SMTNL1: variants seen among roughly 807,000 people sequenced by gnomAD.
SMTNL1 encodes the protein smoothelin-like protein 1.
SMTNL1 carries 41 observed loss-of-function variants against 46.6 expected under a neutral mutation model. The ratio of observed to expected loss-of-function variants is 0.88; its 90% CI spans 0.69 to 1.14. The LOEUF (loss-of-function observed/expected upper bound fraction) is 1.14, where lower values mean the gene tolerates loss of function less well. Among genes scored for constraint, SMTNL1 ranks in the 50% most tolerant of loss-of-function variants. The probability of loss-of-function intolerance (pLI) is 0.00; values close to 1 mark genes in which losing one functional copy is unlikely to be tolerated. For missense variants in SMTNL1, 591 were observed against 626.1 expected, an observed-to-expected ratio of 0.94 and a Z score of 0.60; for synonymous variants, 234 against 234.2, an observed-to-expected ratio of 1.00 and a Z score of 0.01.
rs1590802171 is a variant in SMTNL1, at chr11:57,542,845, G to A, written c.203G>A (p.Gly68Glu). 3 of 1,613,290 alleles carry A rather than the reference G, an allele frequency of 1.9e-6. No homozygotes were observed. The highest frequency in any genetic ancestry group is 2.2e-5 in the East Asian group (1 of 44,860). The change falls in exon 2 of 8, where the codon GGG becomes GAG. Residue 68 changes from glycine (G) to glutamate (E), a missense_variant. Transcript: ENST00000527972. ...GACGGCATGTCAGCAGAACTCCAGG[G>A]GGAAGCAAATGGATTAGATGAGGTC... ...AEDGMSAELQ[G>E]EANGLDEVKV... is the part of the protein sequence containing the mutation.
chr11:57,550,039 G>A lies in SMTNL1; in HGVS notation c.1412G>A (p.Cys471Tyr). ...CGGTTGGCTGTGCCCGACTCCAAGT[G>A]CGTCTACACATACATCCAGGAACTG... The part of the protein sequence containing the change: ...MVRLAVPDSK[C>Y]VYTYIQELYR... The change falls in exon 8 of 8, where the codon TGC becomes TAC. Residue 471 changes from cysteine to tyrosine, a missense_variant. Transcript: ENST00000527972. The A allele has an allele frequency of 6.2e-7, 1 of 1,613,870 alleles. No homozygotes were observed. The highest frequency in any genetic ancestry group is 8.5e-7 in the Non-Finnish European group (1 of 1,179,854).
rs761476952 is a variant in SMTNL1 at position 57,546,037 on chromosome 11, G to A, written c.1073+1G>A. ...AAGCCATCGTGGACAAGTTTGGCGG[G>A]TAGGACACAGGCCAGGGGCTGGGCT... On this transcript the variant is annotated splice_donor_variant, in intron 5 of 7. Coordinates refer to ENST00000527972, the MANE Select transcript of SMTNL1 (RefSeq NM_001105565.3). LOFTEE classifies it high-confidence loss of function. The A allele has an allele frequency of 1.4e-5, 22 of 1,579,090 alleles. No individual in the cohort carries two copies. The South Asian group carries it at 1.5e-4, about 11-fold the overall frequency.
chr11:57,543,779 T>A, intron 3 of SMTNL1, 23 bp downstream of exon 3: 1 of 1,556,338 alleles, frequency 6.4e-7, no homozygotes, highest in South Asian at 1.2e-5. Context: ...CCAGAGCCCA[T>A]GGGATGCTGC....
In SMTNL1 at chr11:57,540,920, A is replaced by C. The variant is rs572451860; in HGVS notation, c.-2-1721A>C. On this transcript the variant is annotated intron_variant, in intron 1 of 7. Transcript: ENST00000527972. ...GAGATGGGGTTTCACCATATTGGCC[A>C]GGCTGGTCTTGAACTCCTGACCTTG... is the stretch of plus-strand genomic sequence containing the variant. Among the ~76,000 whole-genome samples, 3 of 152,250 alleles carry C rather than the reference A, an allele frequency of 2.0e-5. No homozygotes were observed. In the East Asian group the frequency reaches 5.8e-4, roughly 29 times the overall value.
intron 5 of SMTNL1, 75 bp from the exon 6 acceptor site, chr11:57,546,158 T>C (rs1052771452): frequency 5.3e-6 from 8 of 1,508,348 alleles, no homozygotes; most frequent in Middle Eastern, 2.2e-4. Context: ...ACCTGGGGGC[T>C]GGGGATCCTC....
At chr11:57,546,399 A>G in intron 6 of SMTNL1, 52 bp downstream of exon 6, 1 of 956,756 alleles carries the variant, frequency 1.0e-6, no homozygotes. Flanking sequence ...GGGAGGGTCC[A>G]AGTGGTGCAA....
In SMTNL1 at chr11:57,542,942, G is replaced by A. The variant is rs777858572; in HGVS notation, c.300G>A (p.Glu100=). The change falls in exon 2 of 8, where the codon GAG becomes GAA. Residue 100 remains glutamate, a synonymous_variant. Coordinates refer to ENST00000527972, the MANE Select transcript of SMTNL1 (RefSeq NM_001105565.3). The stretch of plus-strand genomic sequence containing the variant: ...CTGAACTTAAAAAGGAGGATGGTGA[G>A]AAGGAAGAGACCACTGTGGGTTCTC... ...AEAELKKEDG[E]KEETTVGSQE... The A allele has an allele frequency of 1.2e-6, 2 of 1,603,222 alleles. No individual in the cohort carries two copies. Among genetic ancestry groups the A allele is most frequent in the Non-Finnish European group, 1.7e-6 (2 of 1,174,856 alleles).
intron 1 of SMTNL1, among the ~76,000 whole-genome samples, 43 bp downstream of exon 1, chr11:57,537,685 C>T (rs1944839431): frequency 6.6e-6 from 1 of 152,238 alleles, no homozygotes; most frequent in African/African-American, 2.4e-5. Flanking sequence ...CCCTCCCCAT[C>T]TGCCAATTCT....
chr11:57,542,139 CACACAA>C (rs1944884666), intron 1 of SMTNL1, among the ~76,000 whole-genome samples: 6 of 148,596 alleles, frequency 4.0e-5, no homozygotes, highest in Non-Finnish European at 8.9e-5. Context: ...CACACACACA[CACACAA>C]AAATTAGCCA....
intron 3 of SMTNL1, 51 bp from the exon 4 acceptor site, chr11:57,543,818 A>G: frequency 6.4e-7 from 1 of 1,562,900 alleles, no homozygotes; most frequent in Non-Finnish European, 8.7e-7. Context: ...GGGCGCAAGA[A>G]GCATGCCATG....
In SMTNL1 at chr11:57,543,279, G is replaced by A. The variant is rs751806638; in HGVS notation, c.637G>A (p.Ala213Thr). 1.9e-6 allele frequency: 3 copies of A among 1,613,956 alleles called. No individual in the cohort carries two copies. In the South Asian group the frequency reaches 3.3e-5, roughly 18 times the overall value. ...GGCTGTTGTGGAGGATGAGGCTAAGGCTGAACCCAAGGAGCCCGATGGGAA... is the reference window on the plus strand; with the variant it reads ...GGCTGTTGTGGAGGATGAGGCTAAGACTGAACCCAAGGAGCCCGATGGGAA... ...QKAVVEDEAK[A>T]EPKEPDGKEE... is the part of the protein sequence containing the mutation. The change falls in exon 2 of 8, where the codon GCT becomes ACT. Residue 213 changes from alanine to threonine, a missense_variant. Ala to Thr is a moderately conservative substitution (Grantham distance 58). Coordinates refer to ENST00000527972, the MANE Select transcript of SMTNL1 (RefSeq NM_001105565.3).
intron 6 of SMTNL1, 45 bp from the exon 7 acceptor site, chr11:57,546,456 T>G: frequency 6.2e-7 from 1 of 1,610,976 alleles, no homozygotes; most frequent in Non-Finnish European, 8.5e-7. Flanking sequence ...CCAGGCCATC[T>G]GGCTGAGCCT....
intron 4 of SMTNL1, 54 bp downstream of exon 4, chr11:57,543,974 T>A: frequency 6.6e-7 from 1 of 1,525,750 alleles, no homozygotes; most frequent in Non-Finnish European, 8.9e-7. Flanking sequence ...CCTGCTTCCC[T>A]CAGCGTCCAC....
At chr11:57,542,111 AAAACAC>A (rs1469976026) in intron 1 of SMTNL1, among the ~76,000 whole-genome samples, 13 of 87,976 alleles carry the variant, frequency 1.5e-4, no homozygotes, top group East Asian at 7.1e-4. Context: ...CTACAAAAAA[AAAACAC>A]ACACACACAC....
At position 57,542,780 on chromosome 11, in the gene SMTNL1, T is replaced by A. The variant is rs1565154717; in HGVS notation, c.138T>A (p.Pro46=). ...GTAGKAINEG[P]PTESGKQEKA... The stretch of plus-strand genomic sequence containing the variant: ...CTGGAAAGGCCATCAATGAGGGGCC[T>A]CCCACTGAGTCAGGAAAGCAGGAAA... Residue 46 remains proline, a synonymous_variant, in exon 2 of 8, where the codon CCT becomes CCA. Coordinates refer to ENST00000527972, the MANE Select transcript of SMTNL1 (RefSeq NM_001105565.3). The A allele has an allele frequency of 1.2e-6, 2 of 1,613,824 alleles. No homozygotes were observed. The highest frequency in any genetic ancestry group is 1.7e-6 in the Non-Finnish European group (2 of 1,179,842).
chr11:57,548,310 G>A (rs949953371), intron 7 of SMTNL1, among the ~76,000 whole-genome samples: 6 of 152,124 alleles, frequency 3.9e-5, no homozygotes, highest in African/African-American at 1.2e-4. Context: ...TGTTTCCTCT[G>A]CCTGGACTCC....
At chr11:57,539,225 T>C (rs4938870) in intron 1 of SMTNL1, among the ~76,000 whole-genome samples, 54,016 of 151,840 alleles carry the variant, frequency 0.36, 10,080 homozygotes, top group African/African-American at 0.45. Flanking sequence ...GGTGTGATGG[T>C]GCACATCTGT....
intron 1 of SMTNL1, among the ~76,000 whole-genome samples, chr11:57,539,178 A>G (rs1195661678): frequency 1.3e-5 from 2 of 152,000 alleles, no homozygotes; most frequent in African/African-American, 4.8e-5. Flanking sequence ...GCGAGACCCC[A>G]TCTCTATAAA....
At chr11:57,546,383 G>T in intron 6 of SMTNL1, 36 bp downstream of exon 6, 2 of 1,560,804 alleles carry the variant, frequency 1.3e-6, no homozygotes, top group Non-Finnish European at 1.7e-6. Flanking sequence ...GTGGGGCAGG[G>T]GTCCAGGGAG....
Sources: allele counts gnomAD v4.1 joint callset (sites outside exome capture counted in the v4.1 genomes callset), GRCh38; gene constraint gnomAD v4.1.1; transcripts MANE v1.5; gene names NCBI Gene and HGNC (gene_info 2026-07-23, HGNC 2026-07-21).